UTRN: variants seen among roughly 807,000 people sequenced by gnomAD.
The protein encoded by UTRN is utrophin, also known as dystrophin-related protein 1.
In UTRN, 283 loss-of-function variants were observed where a neutral mutation model predicts 463.9. The ratio of observed to expected loss-of-function variants is 0.61; its 90% CI spans 0.55 to 0.67. UTRN has a LOEUF of 0.67. UTRN is among the 30% of genes least tolerant of loss of function. The pLI is 0.00. For missense variants in UTRN, 3,922 were observed against 4,084.3 expected, an observed-to-expected ratio of 0.96 and a Z score of 1.08; for synonymous variants, 1,442 against 1,431.5, an observed-to-expected ratio of 1.01 and a Z score of -0.17.
At chr6:144,597,072 A>T (rs959463365) in intron 51 of UTRN, among the ~76,000 whole-genome samples, 1 of 152,106 alleles carries the variant, frequency 6.6e-6, no homozygotes, top group Non-Finnish European at 1.5e-5. Flanking sequence ...CCTTGTCTCT[A>T]CTGAAAGTGC....
intron 51 of UTRN, among the ~76,000 whole-genome samples, chr6:144,645,268 T>A (rs1218118648): frequency 6.6e-6 from 1 of 152,230 alleles, no homozygotes; most frequent in African/African-American, 2.4e-5. Flanking sequence ...CTCTAAGGAA[T>A]TATTTGTGTC....
chr6:144,421,971 G>C lies in UTRN; in HGVS notation c.234+1G>C, dbSNP rs368895455. On this transcript the variant is annotated splice_donor_variant, in intron 4 of 74. Coordinates refer to ENST00000367545, the MANE Select transcript of UTRN (RefSeq NM_007124.3). LOFTEE classifies it high-confidence loss of function. Reference sequence around the variant, plus strand: ...AGAAGGCCTCACAGGAACATCACTGGTGAGCAAGTCATCTTTGTAAACAAC... The same window carrying C: ...AGAAGGCCTCACAGGAACATCACTGCTGAGCAAGTCATCTTTGTAAACAAC... The C allele has an allele frequency of 3.1e-6, 5 of 1,607,910 alleles. No individual in the cohort carries two copies. The African/African-American group carries it at 6.7e-5, about 22-fold the overall frequency.
At chr6:144,524,183 C>G (rs1001099194) in intron 41 of UTRN, among the ~76,000 whole-genome samples, 3 of 152,030 alleles carry the variant, frequency 2.0e-5, no homozygotes, top group African/African-American at 7.2e-5. Context: ...TTTTAGTGGC[C>G]TTTGGTATAT....
intron 51 of UTRN, among the ~76,000 whole-genome samples, chr6:144,671,969 T>G (rs1585912323): frequency 6.6e-6 from 1 of 152,180 alleles, no homozygotes; most frequent in Non-Finnish European, 1.5e-5. Flanking sequence ...TTTATTGACT[T>G]GCAGATGTTA....
At chr6:144,353,404 G>A (rs981701655) in intron 2 of UTRN, among the ~76,000 whole-genome samples, 4 of 150,092 alleles carry the variant, frequency 2.7e-5, no homozygotes, top group Admixed American at 6.7e-5. Flanking sequence ...GTGAACCAAC[G>A]TGCCCGGCCC....
chr6:144,820,239 G>A (rs530926185), intron 65 of UTRN, among the ~76,000 whole-genome samples: 149 of 152,122 alleles, frequency 9.8e-4, no homozygotes, highest in Middle Eastern at 3.4e-3. Context: ...AAATACCTAA[G>A]GGAACAGTGA....
In UTRN at chr6:144,456,847, G is replaced by A. The variant is rs369984148; in HGVS notation, c.2285-1923G>A. 4.6e-5 allele frequency among the ~76,000 whole-genome samples: 7 copies of A among 152,122 alleles called. No homozygotes were observed. The East Asian group carries it at 1.4e-3, about 29-fold the overall frequency. ...GTGGCTTTATGAATCAATGCCCATT[G>A]TGGTTGCCTAAGCATATAAGCCCAG... On this transcript the variant is annotated intron_variant, in intron 19 of 74. Coordinates refer to ENST00000367545, the MANE Select transcript of UTRN (RefSeq NM_007124.3).
chr6:144,790,947 T>C (rs1776706327), intron 62 of UTRN, among the ~76,000 whole-genome samples: 1 of 152,214 alleles, frequency 6.6e-6, no homozygotes, highest in African/African-American at 2.4e-5. Context: ...CTTTCAGATT[T>C]TGGCAGGGGA....
chr6:144,375,369 T>C (rs953122018), intron 2 of UTRN, among the ~76,000 whole-genome samples: 1 of 152,234 alleles, frequency 6.6e-6, no homozygotes, highest in Non-Finnish European at 1.5e-5. Flanking sequence ...ATAAGCATGT[T>C]AGAATATTTG....
chr6:144,470,387 G>A (rs1790440204), intron 23 of UTRN, among the ~76,000 whole-genome samples: 3 of 151,688 alleles, frequency 2.0e-5, no homozygotes, highest in South Asian at 4.2e-4. Context: ...CTTACCAGAT[G>A]GGGTGGCTGC....
chr6:144,400,418 T>G (rs1367700037), intron 2 of UTRN, among the ~76,000 whole-genome samples: 2 of 152,180 alleles, frequency 1.3e-5, no homozygotes, highest in African/African-American at 4.8e-5. Context: ...GACGGAGTTT[T>G]AGTTGTCCTG....
At chr6:144,553,416 G>C (rs1289046748) in intron 48 of UTRN, among the ~76,000 whole-genome samples, 2 of 152,080 alleles carry the variant, frequency 1.3e-5, no homozygotes, top group Middle Eastern at 3.2e-3. Flanking sequence ...TAACTCAGCT[G>C]GAATGTTATC....
At position 144,299,841 on chromosome 6, in the gene UTRN, G is replaced by A. The variant is rs1322068060; in HGVS notation, c.79+7934G>A. Reference sequence around the variant, plus strand: ...TGCTAGTTTTCTTATCTTAAGGGGGGGTGGTTAGAGAAATGTATTATATAT... The same window carrying A: ...TGCTAGTTTTCTTATCTTAAGGGGGAGTGGTTAGAGAAATGTATTATATAT... On this transcript the variant is annotated intron_variant, in intron 2 of 74. Transcript: ENST00000367545. 2.0e-5 allele frequency among the ~76,000 whole-genome samples: 3 copies of A among 151,888 alleles called. No individual in the cohort carries two copies. The East Asian group carries it at 5.8e-4, about 29-fold the overall frequency.
chr6:144,530,937 C>T (rs1797001439), intron 41 of UTRN, 115 bp from the exon 42 acceptor site: 1 of 1,180,168 alleles, frequency 8.5e-7, no homozygotes, highest in African/African-American at 1.5e-5. Context: ...GCTGTGAATT[C>T]AGTTGTTTGA....
chr6:144,752,600 AG>A (rs1216245218), intron 56 of UTRN, among the ~76,000 whole-genome samples: 1 of 152,234 alleles, frequency 6.6e-6, no homozygotes, highest in Non-Finnish European at 1.5e-5. Context: ...TGAAGAAGTA[AG>A]AAATTAGTGT....
intron 2 of UTRN, among the ~76,000 whole-genome samples, chr6:144,376,185 G>A (rs1780443738): frequency 6.6e-6 from 1 of 152,034 alleles, no homozygotes; most frequent in Admixed American, 6.6e-5. Flanking sequence ...GGTCGGGCCG[G>A]GTGGCTCACG....
chr6:144,356,118 C>A (rs1778524123), intron 2 of UTRN, among the ~76,000 whole-genome samples: 1 of 152,186 alleles, frequency 6.6e-6, no homozygotes, highest in African/African-American at 2.4e-5. Context: ...GGCTAACATT[C>A]ATTTAATCTA....
intron 52 of UTRN, among the ~76,000 whole-genome samples, chr6:144,692,271 G>A (rs1783500829): frequency 6.6e-6 from 1 of 152,112 alleles, no homozygotes; most frequent in African/African-American, 2.4e-5. Flanking sequence ...ATGTACCACA[G>A]TTTTTCAATC....
chr6:144,459,372 A>G lies in UTRN; in HGVS notation c.2707+18A>G. ...AGAGAATGGTAAACCCAACAATTTT[A>G]AAATCTCCTGTCTCAGTTTGCCTTA... On this transcript the variant is annotated intron_variant, in intron 21 of 74. Coordinates refer to ENST00000367545, the MANE Select transcript of UTRN (RefSeq NM_007124.3). 1 of 1,565,748 alleles carries G rather than the reference A, an allele frequency of 6.4e-7. No homozygotes were observed. The highest frequency in any genetic ancestry group is 1.2e-5 in the South Asian group (1 of 84,908).
Sources: allele counts gnomAD v4.1 joint callset (sites outside exome capture counted in the v4.1 genomes callset), GRCh38; gene constraint gnomAD v4.1.1; transcripts MANE v1.5; gene names NCBI Gene and HGNC (gene_info 2026-07-23, HGNC 2026-07-21).